CSMD1: variants seen among roughly 807,000 people sequenced by gnomAD.
The protein encoded by CSMD1 is CUB and sushi domain-containing protein 1.
Under a neutral mutation model 417.5 loss-of-function variants are expected in CSMD1, and 213 were observed. The observed-to-expected ratio is 0.51, with a 90% CI of 0.46 to 0.57. CSMD1 has a LOEUF of 0.57. Among genes scored for constraint, CSMD1 ranks in the 20% least tolerant of loss-of-function variants. The pLI is 0.00. For synonymous variants in CSMD1, 2,862 were observed against 1,736.8 expected, an observed-to-expected ratio of 1.65 and a Z score of -16.11; for missense variants, 6,923 against 4,529.7, an observed-to-expected ratio of 1.53 and a Z score of -15.17.
chr8:4,674,007 C>T (rs1006005650), intron 1 of CSMD1, among the ~76,000 whole-genome samples: 1 of 152,130 alleles, frequency 6.6e-6, no homozygotes, highest in Non-Finnish European at 1.5e-5. Flanking sequence ...TATACAGAGG[C>T]AAATCTTACG....
At position 4,667,958 on chromosome 8, in the gene CSMD1, C is replaced by T. The variant is rs1296827093; in HGVS notation, c.86-30400G>A. Among the ~76,000 whole-genome samples the T allele has an allele frequency of 1.4e-4, 22 of 152,202 alleles. 1 individual carries two copies. The highest frequency in any genetic ancestry group is 3.2e-4 in the Non-Finnish European group (22 of 68,036). ...ATACGTCTTTGAAACAATTCTTTTA[C>T]CTGCCATTGCATTTGTTAAAAATCT... On this transcript the variant is annotated intron_variant, in intron 1 of 69. Coordinates refer to ENST00000635120, the MANE Select transcript of CSMD1 (RefSeq NM_033225.6).
intron 48 of CSMD1, among the ~76,000 whole-genome samples, chr8:3,090,608 A>G (rs1212493122): frequency 6.6e-6 from 1 of 152,122 alleles, no homozygotes; most frequent in Non-Finnish European, 1.5e-5. Flanking sequence ...TTCCCTTTGG[A>G]CGCTCGTAGT....
intron 8 of CSMD1, among the ~76,000 whole-genome samples, chr8:3,610,120 G>T (rs558241377): frequency 6.6e-6 from 1 of 151,912 alleles, no homozygotes; most frequent in Non-Finnish European, 1.5e-5. Context: ...TATATGAGAG[G>T]CCCACCATGT....
Position 3,810,147 on chromosome 8 carries a change from A to C in CSMD1, c.819-56105T>G, listed in dbSNP as rs2129076600. On this transcript the variant is annotated intron_variant, in intron 5 of 69. Transcript: ENST00000635120. ...CAAGAGTGCTCCCAGGCCCCAACTGACTATCATAGTGCCAGGCATATAGCA... is the reference window on the plus strand; with the variant it reads ...CAAGAGTGCTCCCAGGCCCCAACTGCCTATCATAGTGCCAGGCATATAGCA... 2.0e-5 allele frequency among the ~76,000 whole-genome samples: 3 copies of C among 151,768 alleles called. No homozygotes were observed. In the Middle Eastern group the frequency reaches 0.01, roughly 520 times the overall value.
intron 5 of CSMD1, among the ~76,000 whole-genome samples, chr8:3,938,684 G>A (rs996974540): frequency 6.6e-6 from 1 of 152,142 alleles, no homozygotes; most frequent in Non-Finnish European, 1.5e-5. Context: ...ACTTTGAATG[G>A]CAGGAGTTGA....
chr8:3,915,126 T>C (rs11779551), intron 5 of CSMD1, among the ~76,000 whole-genome samples: 77,238 of 151,808 alleles, frequency 0.51, 23,016 homozygotes, highest in Non-Finnish European at 0.64. Flanking sequence ...AGGTAGCAGG[T>C]TGGGAGTAGT....
chr8:3,560,017 G>A (rs538504310), intron 10 of CSMD1, among the ~76,000 whole-genome samples: 1 of 152,098 alleles, frequency 6.6e-6, no homozygotes, highest in African/African-American at 2.4e-5. Context: ...CAGCGTAAGG[G>A]ATTTAGTGTG....
intron 8 of CSMD1, among the ~76,000 whole-genome samples, chr8:3,601,323 G>C (rs889613445): frequency 3.9e-5 from 6 of 152,226 alleles, no homozygotes; most frequent in Admixed American, 3.9e-4. Flanking sequence ...AGCTTCTGCA[G>C]ACATATAGGA....
intron 2 of CSMD1, among the ~76,000 whole-genome samples, chr8:4,626,488 G>A (rs983992233): frequency 2.6e-5 from 4 of 152,214 alleles, no homozygotes; most frequent in African/African-American, 9.6e-5. Context: ...TTTGAGCTTG[G>A]GAAGTTGTGC....
chr8:4,294,805 G>A (rs1329049976), intron 3 of CSMD1, among the ~76,000 whole-genome samples: 3 of 151,720 alleles, frequency 2.0e-5, no homozygotes, highest in South Asian at 2.1e-4. Flanking sequence ...GGAAAAAAGT[G>A]CTTACTTTTC....
intron 11 of CSMD1, among the ~76,000 whole-genome samples, chr8:3,470,179 G>GT (rs1219847368): frequency 2.6e-5 from 4 of 151,984 alleles, no homozygotes; most frequent in South Asian, 2.1e-4. Flanking sequence ...CTTCTTTAAA[G>GT]TTTTTTTGTA....
chr8:4,751,403 G>A (rs908666597), intron 1 of CSMD1, among the ~76,000 whole-genome samples: 8 of 151,832 alleles, frequency 5.3e-5, no homozygotes, highest in African/African-American at 1.5e-4. Flanking sequence ...GGGGGGTGGC[G>A]GGGCAGGAAA....
intron 12 of CSMD1, among the ~76,000 whole-genome samples, chr8:3,427,255 C>G (rs752814441): frequency 1.1e-4 from 16 of 152,162 alleles, no homozygotes; most frequent in Non-Finnish European, 2.4e-4. Context: ...TTGAGATTTT[C>G]AAGGCCAGCC....
chr8:4,105,063 A>C (rs932056953), intron 3 of CSMD1, among the ~76,000 whole-genome samples: 1 of 152,208 alleles, frequency 6.6e-6, no homozygotes, highest in Non-Finnish European at 1.5e-5. Context: ...TAAAGGCAGC[A>C]ATGAAATTTA....
intron 20 of CSMD1, 25 bp downstream of exon 20, chr8:3,367,007 G>C (rs1203166119): frequency 5.1e-6 from 8 of 1,573,432 alleles, no homozygotes; most frequent in Admixed American, 1.7e-5. Flanking sequence ...CCAGAGGAGA[G>C]AAACAGCAAA....
intron 3 of CSMD1, among the ~76,000 whole-genome samples, chr8:4,339,922 G>A (rs543821871): frequency 6.6e-6 from 1 of 152,030 alleles, no homozygotes; most frequent in Non-Finnish European, 1.5e-5. Flanking sequence ...CTCCTAAGGG[G>A]CCTGAGGCAA....
At chr8:4,295,615 T>TTA (rs933713572) in intron 3 of CSMD1, among the ~76,000 whole-genome samples, 26 of 144,864 alleles carry the variant, frequency 1.8e-4, no homozygotes, top group African/African-American at 5.0e-4. Context: ...AATCCTAAGA[T>TTA]TATATATATA....
intron 1 of CSMD1, among the ~76,000 whole-genome samples, chr8:4,775,515 T>C (rs1229685940): frequency 6.6e-6 from 1 of 152,212 alleles, no homozygotes; most frequent in Non-Finnish European, 1.5e-5. Context: ...CTTGTAAGAA[T>C]TCAGGGGTTC....
chr8:4,236,505 T>C (rs17069674), intron 3 of CSMD1, among the ~76,000 whole-genome samples: 6,283 of 152,202 alleles, frequency 0.041, 151 homozygotes, highest in East Asian at 0.088. Flanking sequence ...GAATCTGAGA[T>C]GATTTGCTCA....
Sources: allele counts gnomAD v4.1 joint callset (sites outside exome capture counted in the v4.1 genomes callset), GRCh38; gene constraint gnomAD v4.1.1; transcripts MANE v1.5; gene names NCBI Gene and HGNC (gene_info 2026-07-23, HGNC 2026-07-21).